The following GPC3 variants were observed in gnomAD, a reference collection of about 807,000 sequenced individuals.
The protein encoded by GPC3 is glypican-3.
A neutral mutation model predicts 34.4 loss-of-function variants in GPC3; 3 were observed. The ratio of observed to expected loss-of-function variants is 0.09; its 90% CI spans 0.04 to 0.23. The LOEUF (loss-of-function observed/expected upper bound fraction) is 0.23. GPC3 is among the 10% of genes least tolerant of loss of function. The pLI, the probability that GPC3 is intolerant of heterozygous loss-of-function variation, is 1.00. For missense variants in GPC3, 351 were observed against 445.6 expected (o/e 0.79, Z 1.91); for synonymous variants, 177 against 174.0 (o/e 1.02, Z -0.13).
intron 1 of GPC3, among the ~76,000 whole-genome samples, chrX:133,959,623 T>C (rs1443353932): frequency 8.9e-6 from 1 of 112,652 alleles, no homozygotes; most frequent in East Asian, 2.8e-4. Context: ...TGCCCTTATC[T>C]ATAACATGGG....
chrX:133,874,232 C>T (rs576748037), intron 2 of GPC3, among the ~76,000 whole-genome samples: 25 of 111,973 alleles, frequency 2.2e-4, no homozygotes, highest in Admixed American at 2.1e-3. Flanking sequence ...ATGCATAAAC[C>T]ATCTCATTTC....
chrX:133,951,954 T>C (rs2076394791), intron 2 of GPC3, among the ~76,000 whole-genome samples: 1 of 111,430 alleles, frequency 9.0e-6, no homozygotes, highest in Admixed American at 9.6e-5. Flanking sequence ...AGCTTTGCAA[T>C]GTCAAGCAGT....
At chrX:133,558,295 C>CTTTTTTTTTTTTTTTTTTTTTT (rs11405813) in intron 7 of GPC3, among the ~76,000 whole-genome samples, 1 of 94,689 alleles carries the variant, frequency 1.1e-5, no homozygotes, top group Non-Finnish European at 2.1e-5. Context: ...TCAATTTGGG[C>CTTTTTTTTTTTTTTTTTTTTTT]TTTTTTTTTT....
At chrX:133,830,544 G>A (rs1226354793) in intron 2 of GPC3, among the ~76,000 whole-genome samples, 6 of 108,640 alleles carry the variant, frequency 5.5e-5, no homozygotes, top group African/African-American at 2.0e-4. Context: ...CGGGCATGGT[G>A]GCACATGCCT....
intron 2 of GPC3, among the ~76,000 whole-genome samples, chrX:133,788,092 A>ATT (rs1171673992): frequency 3.1e-5 from 1 of 32,193 alleles, no homozygotes; most frequent in African/African-American, 1.0e-4. Flanking sequence ...ATTATTTTAT[A>ATT]TATATATATA....
chrX:133,687,194 G>A (rs1023075483), intron 5 of GPC3, among the ~76,000 whole-genome samples: 1 of 98,777 alleles, frequency 1.0e-5, no homozygotes, highest in Non-Finnish European at 2.0e-5. Context: ...CGCCTGCCTC[G>A]GCCTCCCAAA....
At chrX:133,967,619 G>GT (rs1556363207) in intron 1 of GPC3, among the ~76,000 whole-genome samples, 1 of 111,817 alleles carries the variant, frequency 8.9e-6, no homozygotes, top group Non-Finnish European at 1.9e-5. Flanking sequence ...TTTTTTGTTT[G>GT]TTTGTTTTGT....
chrX:133,596,309 T>A (rs1018118297), intron 7 of GPC3, 131 bp downstream of exon 7: 1 of 616,709 alleles, frequency 1.6e-6, no homozygotes. Context: ...TGTATAGTCT[T>A]TCCTTGAAGA....
intron 3 of GPC3, among the ~76,000 whole-genome samples, chrX:133,749,388 A>C (rs749806053): frequency 1.8e-5 from 2 of 111,897 alleles, no homozygotes; most frequent in Non-Finnish European, 3.8e-5. Context: ...TGTGATGATG[A>C]GCCGAGTTTG....
chrX:133,615,972 G>A (rs1353159956), intron 6 of GPC3, among the ~76,000 whole-genome samples: 4 of 110,570 alleles, frequency 3.6e-5, no homozygotes, highest in Non-Finnish European at 3.8e-5. Context: ...GAGAAAAACT[G>A]AAAGTTTTCT....
chrX:133,713,359 A>G (rs939271166), intron 3 of GPC3, among the ~76,000 whole-genome samples: 13 of 112,424 alleles, frequency 1.2e-4, no homozygotes, highest in Non-Finnish European at 2.1e-4. Flanking sequence ...CTGCAATAGT[A>G]GTCATTGTAG....
intron 4 of GPC3, among the ~76,000 whole-genome samples, chrX:133,695,930 T>C (rs892675380): frequency 3.6e-5 from 4 of 112,084 alleles, no homozygotes; most frequent in Admixed American, 9.5e-5. Flanking sequence ...GAGTTCTTTT[T>C]GGTTCTTAGT....
chrX:133,830,611 G>A (rs1015661409), intron 2 of GPC3, among the ~76,000 whole-genome samples: 1 of 98,893 alleles, frequency 1.0e-5, no homozygotes, highest in African/African-American at 3.7e-5. Flanking sequence ...CTGGGAGACG[G>A]AGGTTACAGT....
chrX:133,602,609 T>C (rs192155631), intron 6 of GPC3, among the ~76,000 whole-genome samples: 237 of 111,882 alleles, frequency 2.1e-3, no homozygotes, highest in African/African-American at 7.4e-3. Flanking sequence ...TGGGGACCAC[T>C]GTTCTATACT....
At chrX:133,799,383 C>G (rs188372725) in intron 2 of GPC3, among the ~76,000 whole-genome samples, 4 of 110,908 alleles carry the variant, frequency 3.6e-5, no homozygotes, top group African/African-American at 1.3e-4. Context: ...CAGAGCCAGA[C>G]CCTGTCTCAA....
At chrX:133,566,464 C>CT (rs745746524) in intron 7 of GPC3, among the ~76,000 whole-genome samples, 1,695 of 111,509 alleles carry the variant, frequency 0.015, 29 homozygotes, top group African/African-American at 0.052. Context: ...CTTTTCTTTT[C>CT]TTTTTTTAAA....
At chrX:133,693,686 G>A in intron 4 of GPC3, among the ~76,000 whole-genome samples, 1 of 111,912 alleles carries the variant, frequency 8.9e-6, no homozygotes, top group African/African-American at 3.2e-5. Context: ...CCTTCTGGGA[G>A]TTGTTCTCAG....
chrX:133,638,670 G>T (rs751981187), intron 6 of GPC3, among the ~76,000 whole-genome samples: 13 of 111,026 alleles, frequency 1.2e-4, no homozygotes, highest in Admixed American at 9.6e-4. Flanking sequence ...TTCTAATATT[G>T]TTCCTCAAGG....
At chrX:133,890,701 T>TA (rs1160554256) in intron 2 of GPC3, among the ~76,000 whole-genome samples, 15 of 108,899 alleles carry the variant, frequency 1.4e-4, no homozygotes, top group Middle Eastern at 4.6e-3. Context: ...CTACTAAAAA[T>TA]ACAAAAAAAT....
Sources: allele counts gnomAD v4.1 joint callset (sites outside exome capture counted in the v4.1 genomes callset), GRCh38; gene constraint gnomAD v4.1.1; transcripts MANE v1.5; gene names NCBI Gene and HGNC (gene_info 2026-07-23, HGNC 2026-07-21).